CNTNAP5: variants seen among roughly 807,000 people sequenced by gnomAD.
The protein encoded by CNTNAP5 is contactin-associated protein-like 5.
In CNTNAP5, 72 loss-of-function variants were observed where a neutral mutation model predicts 150.2. That is an observed-to-expected ratio of 0.48 (90% CI 0.40 to 0.58). The LOEUF (loss-of-function observed/expected upper bound fraction) is 0.58, where lower values mean the gene tolerates loss of function less well. CNTNAP5 is among the 20% of genes least tolerant of loss of function. The pLI, the probability that CNTNAP5 is intolerant of heterozygous loss-of-function variation, is 0.00. For missense variants in CNTNAP5, 1,636 were observed against 1,626.2 expected (o/e 1.01, Z -0.10); for synonymous variants, 672 against 619.8 (o/e 1.08, Z -1.25).
intron 23 of CNTNAP5, among the ~76,000 whole-genome samples, chr2:124,913,694 ACT>A (rs1253892885): frequency 2.0e-5 from 3 of 152,054 alleles, no homozygotes; most frequent in Admixed American, 1.3e-4. Context: ...TGCTAAAGTA[ACT>A]CTGAAATACT....
intron 10 of CNTNAP5, among the ~76,000 whole-genome samples, chr2:124,527,759 C>T (rs1695008280): frequency 6.6e-6 from 1 of 152,002 alleles, no homozygotes; most frequent in Non-Finnish European, 1.5e-5. Flanking sequence ...GAAGTTAAAG[C>T]AAAAAGGAGG....
At chr2:124,422,643 T>A (rs1692135327) in intron 4 of CNTNAP5, among the ~76,000 whole-genome samples, 1 of 152,136 alleles carries the variant, frequency 6.6e-6, no homozygotes, top group South Asian at 2.1e-4. Context: ...ACCCAGATAC[T>A]TTTTTTATTC....
intron 16 of CNTNAP5, among the ~76,000 whole-genome samples, chr2:124,767,363 C>T (rs1482710010): frequency 6.6e-5 from 10 of 152,162 alleles, no homozygotes; most frequent in Non-Finnish European, 2.9e-5. Flanking sequence ...AAAGAAGACA[C>T]GCCACTATGT....
intron 21 of CNTNAP5, among the ~76,000 whole-genome samples, chr2:124,895,145 T>C (rs952876506): frequency 6.6e-6 from 1 of 151,642 alleles, no homozygotes; most frequent in Non-Finnish European, 1.5e-5. Context: ...ATATTTTTTT[T>C]ACTTCTTGTA....
At chr2:124,052,814 G>A (rs1427573161) in intron 1 of CNTNAP5, among the ~76,000 whole-genome samples, 3 of 152,176 alleles carry the variant, frequency 2.0e-5, no homozygotes, top group African/African-American at 7.2e-5. Flanking sequence ...TCTGCATTTT[G>A]TATTCCAATT....
intron 21 of CNTNAP5, among the ~76,000 whole-genome samples, chr2:124,887,982 T>TA (rs1232847530): frequency 7.9e-5 from 12 of 152,162 alleles, no homozygotes; most frequent in African/African-American, 2.9e-4. Context: ...TATAATATTT[T>TA]AGATACAGAG....
intron 14 of CNTNAP5, among the ~76,000 whole-genome samples, chr2:124,750,029 C>T (rs1680691946): frequency 6.6e-6 from 1 of 152,180 alleles, no homozygotes; most frequent in Admixed American, 6.5e-5. Context: ...GATAATTTCA[C>T]TTCATCATCT....
chr2:124,877,022 G>A (rs1677873766), intron 21 of CNTNAP5, among the ~76,000 whole-genome samples: 2 of 151,156 alleles, frequency 1.3e-5, no homozygotes, highest in South Asian at 4.1e-4. Flanking sequence ...GGGTTAGATG[G>A]GATTTTTGTT....
chr2:124,860,547 C>G (rs958181282), intron 19 of CNTNAP5, among the ~76,000 whole-genome samples: 1 of 143,030 alleles, frequency 7.0e-6, no homozygotes, highest in Non-Finnish European at 1.5e-5. Flanking sequence ...TTCCTTCCTT[C>G]TCTCCTTTCT....
intron 13 of CNTNAP5, among the ~76,000 whole-genome samples, chr2:124,710,771 A>C (rs1014313240): frequency 6.6e-6 from 1 of 152,156 alleles, no homozygotes; most frequent in African/African-American, 2.4e-5. Flanking sequence ...TTCATTGTTT[A>C]ATTCAGCAAA....
intron 1 of CNTNAP5, among the ~76,000 whole-genome samples, chr2:124,181,693 T>C (rs1685212666): frequency 6.6e-6 from 1 of 152,194 alleles, no homozygotes; most frequent in Admixed American, 6.5e-5. Context: ...GTTTTATGTG[T>C]GCTATTTCTT....
intron 21 of CNTNAP5, among the ~76,000 whole-genome samples, chr2:124,876,791 G>A (rs1037422026): frequency 1.3e-5 from 2 of 152,018 alleles, no homozygotes; most frequent in African/African-American, 4.8e-5. Context: ...CACATTGTGT[G>A]TAATTGCTTT....
chr2:124,820,615 A>G (rs1237489282), intron 19 of CNTNAP5, among the ~76,000 whole-genome samples: 2 of 151,956 alleles, frequency 1.3e-5, no homozygotes, highest in East Asian at 1.9e-4. Context: ...GAGTTCTTGT[A>G]TCAGTGGAGT....
intron 19 of CNTNAP5, among the ~76,000 whole-genome samples, chr2:124,832,759 TGA>T (rs1356216117): frequency 6.6e-6 from 1 of 152,078 alleles, no homozygotes; most frequent in Non-Finnish European, 1.5e-5. Flanking sequence ...CCGTAAACAA[TGA>T]GTTTTATCTC....
chr2:124,207,939 T>C (rs557745135), intron 1 of CNTNAP5, among the ~76,000 whole-genome samples: 1 of 152,280 alleles, frequency 6.6e-6, no homozygotes, highest in African/African-American at 2.4e-5. Flanking sequence ...TTTATAGCAT[T>C]TTATGTCTTC....
At chr2:124,667,719 G>A (rs1049219668) in intron 13 of CNTNAP5, among the ~76,000 whole-genome samples, 1 of 152,202 alleles carries the variant, frequency 6.6e-6, no homozygotes, top group South Asian at 2.1e-4. Flanking sequence ...TTAAGCAGTA[G>A]CCATTTTCCT....
intron 1 of CNTNAP5, among the ~76,000 whole-genome samples, chr2:124,170,326 C>A (rs1410004081): frequency 6.6e-6 from 1 of 151,470 alleles, no homozygotes; most frequent in Non-Finnish European, 1.5e-5. Flanking sequence ...CTTTGCTTTT[C>A]TTTCTGAGAG....
chr2:124,726,039 C>A (rs550855830), intron 13 of CNTNAP5, among the ~76,000 whole-genome samples: 4 of 151,386 alleles, frequency 2.6e-5, no homozygotes, highest in South Asian at 2.1e-4. Context: ...TTTTGTGGAA[C>A]CTCCATACTG....
At chr2:124,052,441 T>C (rs62161935) in intron 1 of CNTNAP5, among the ~76,000 whole-genome samples, 4,490 of 152,306 alleles carry the variant, frequency 0.029, 113 homozygotes, top group Non-Finnish European at 0.049. Flanking sequence ...AGAGGCAGCC[T>C]GGATGTTTAC....
Sources: gnomAD v4.1 joint callset for allele counts (sites outside exome capture counted in the v4.1 genomes callset) on GRCh38, gnomAD v4.1.1 for gene constraint, MANE v1.5 for transcripts, NCBI Gene and HGNC (gene_info 2026-07-23, HGNC 2026-07-21) for gene names.